The following PTPRK variants were observed in gnomAD, a reference collection of about 807,000 sequenced individuals.
The protein encoded by PTPRK is protein tyrosine phosphatase receptor type K.
In PTPRK, 75 loss-of-function variants were observed where a neutral mutation model predicts 178.0. The observed-to-expected ratio is 0.42, with a 90% CI of 0.35 to 0.51. The LOEUF (loss-of-function observed/expected upper bound fraction) is 0.51, where lower values mean the gene tolerates loss of function less well. Ranked by LOEUF, PTPRK falls within the 20% of genes least tolerant of loss-of-function variation. The probability of loss-of-function intolerance (pLI) is 0.02; values close to 1 mark genes in which losing one functional copy is unlikely to be tolerated. For synonymous variants in PTPRK, 637 were observed against 620.6 expected (o/e 1.03, Z -0.39); for missense variants, 1,441 against 1,797.8 (o/e 0.80, Z 3.59).
intron 3 of PTPRK, among the ~76,000 whole-genome samples, chr6:128,304,274 T>C (rs1294080918): frequency 6.6e-6 from 1 of 152,198 alleles, no homozygotes; most frequent in Admixed American, 6.5e-5. Flanking sequence ...ACAAGTTTTC[T>C]TTAATTAATG....
At chr6:128,194,454 C>T (rs1478991530) in intron 6 of PTPRK, among the ~76,000 whole-genome samples, 5 of 152,056 alleles carry the variant, frequency 3.3e-5, no homozygotes, top group African/African-American at 4.8e-5. Flanking sequence ...TGGTGGCAAA[C>T]CATGTTATGA....
intron 13 of PTPRK, among the ~76,000 whole-genome samples, chr6:128,060,477 C>A (rs1344218623): frequency 6.6e-6 from 1 of 152,098 alleles, no homozygotes; most frequent in Non-Finnish European, 1.5e-5. Context: ...TAGCTAGATT[C>A]TCTTTGGACT....
At chr6:128,195,250 G>C (rs550339955) in intron 6 of PTPRK, among the ~76,000 whole-genome samples, 1 of 151,896 alleles carries the variant, frequency 6.6e-6, no homozygotes, top group South Asian at 2.1e-4. Flanking sequence ...TTACTCCCCA[G>C]GTCTAAACAC....
chr6:128,001,851 T>C lies in PTPRK; in HGVS notation c.2495-2947A>G, dbSNP rs567439264. On this transcript the variant is annotated intron_variant, in intron 15 of 29. Coordinates refer to ENST00000368226, the MANE Select transcript of PTPRK (RefSeq NM_002844.4). ...CAACTAATTTTTTTCCAATTAGTTC[T>C]CAATATTTTAATTGAAATTTATTTA... 2.6e-5 allele frequency among the ~76,000 whole-genome samples: 4 copies of C among 152,050 alleles called. No homozygotes were observed. In the South Asian group the frequency reaches 6.2e-4, roughly 24 times the overall value.
In PTPRK at chr6:128,124,452, T is replaced by G. The variant is rs185370149; in HGVS notation, c.1163-34460A>C. On this transcript the variant is annotated intron_variant, in intron 7 of 29. Coordinates refer to ENST00000368226, the MANE Select transcript of PTPRK (RefSeq NM_002844.4). ...TAAGGTGATATTCACATTTCTGCCA[T>G]GTAATGTAATCACATTATCTAGGAA... Among the ~76,000 whole-genome samples the G allele has an allele frequency of 3.9e-5, 6 of 152,286 alleles. No homozygotes were observed. The South Asian group carries it at 1.0e-3, about 26-fold the overall frequency.
chr6:128,232,870 G>A (rs1007893563), intron 5 of PTPRK, among the ~76,000 whole-genome samples: 1 of 152,186 alleles, frequency 6.6e-6, no homozygotes. Flanking sequence ...CCAGACATTA[G>A]AGCAACTTTT....
At chr6:127,974,812 G>A (rs1774341749) in intron 27 of PTPRK, among the ~76,000 whole-genome samples, 1 of 152,066 alleles carries the variant, frequency 6.6e-6, no homozygotes. Context: ...TAAGTACACG[G>A]AAATCTTTTT....
chr6:128,311,809 T>G (rs541892909), intron 3 of PTPRK, among the ~76,000 whole-genome samples: 1 of 152,270 alleles, frequency 6.6e-6, no homozygotes, highest in South Asian at 2.1e-4. Flanking sequence ...TGTTTCTTCC[T>G]TCTTGGAGAT....
chr6:128,157,347 T>C (rs972288880), intron 7 of PTPRK, among the ~76,000 whole-genome samples: 12 of 152,010 alleles, frequency 7.9e-5, no homozygotes, highest in Non-Finnish European at 1.2e-4. Context: ...TTAAAACATA[T>C]ACATGAGATT....
intron 3 of PTPRK, among the ~76,000 whole-genome samples, chr6:128,253,788 CAGT>C (rs957345577): frequency 4.6e-5 from 7 of 152,146 alleles, no homozygotes; most frequent in South Asian, 2.1e-4. Flanking sequence ...AAATTAAAAT[CAGT>C]AGTTCAGCCT....
chr6:128,008,979 T>C (rs765466147), intron 14 of PTPRK, 151 bp downstream of exon 14: 43 of 532,230 alleles, frequency 8.1e-5, no homozygotes, highest in Middle Eastern at 9.3e-4. Context: ...TTAGAAAGCA[T>C]GTCCAATAGA....
intron 12 of PTPRK, 142 bp from the exon 13 acceptor site, chr6:128,064,936 A>T: frequency 1.0e-6 from 1 of 1,001,738 alleles, no homozygotes; most frequent in Non-Finnish European, 1.3e-6. Flanking sequence ...AGAAAACTTT[A>T]AAAAATATGC....
rs542188485 is a variant in PTPRK at position 128,470,755 on chromosome 6, T to G, written c.100+49504A>C. Among the ~76,000 whole-genome samples the G allele has an allele frequency of 2.6e-3, 388 of 150,104 alleles. 3 individuals are homozygous for G. The highest frequency in any genetic ancestry group is 9.2e-3 in the African/African-American group (380 of 41,086). ...GAAGAAACAATATCTCTCTCTTTTTTTTTTTTTTTTTTTTTAATGGCTAAG... is the reference window on the plus strand; with the variant it reads ...GAAGAAACAATATCTCTCTCTTTTTGTTTTTTTTTTTTTTTAATGGCTAAG... On this transcript the variant is annotated intron_variant, in intron 1 of 29. Coordinates refer to ENST00000368226, the MANE Select transcript of PTPRK (RefSeq NM_002844.4).
intron 3 of PTPRK, among the ~76,000 whole-genome samples, chr6:128,276,312 T>A (rs1407543977): frequency 6.6e-6 from 1 of 152,068 alleles, no homozygotes; most frequent in East Asian, 1.9e-4. Context: ...AGAACAGAAG[T>A]TCAAAGAAAA....
intron 7 of PTPRK, among the ~76,000 whole-genome samples, chr6:128,164,699 C>T (rs775740124): frequency 6.6e-6 from 1 of 150,502 alleles, no homozygotes; most frequent in Non-Finnish European, 1.5e-5. Flanking sequence ...CTTTAAAATG[C>T]ACAAAACTAA....
intron 16 of PTPRK, among the ~76,000 whole-genome samples, chr6:127,997,383 G>T (rs545855007): frequency 6.6e-6 from 1 of 152,140 alleles, no homozygotes; most frequent in South Asian, 2.1e-4. Context: ...ATTTATAACA[G>T]TAGAAAGAAA....
Position 128,023,632 on chromosome 6 carries a change from A to G in PTPRK, c.2195-14364T>C, listed in dbSNP as rs186537532. On this transcript the variant is annotated intron_variant, in intron 13 of 29. Transcript: ENST00000368226. The stretch of plus-strand genomic sequence containing the variant: ...ATCATTTCTCACCTAGACTATTTTA[A>G]AACAGAACTATTCGATCTCTTATTT... 4.9e-4 allele frequency among the ~76,000 whole-genome samples: 74 copies of G among 152,216 alleles called. No individual in the cohort carries two copies. The East Asian group carries it at 0.01, about 21-fold the overall frequency.
At chr6:128,220,723 G>A (rs1336704430) in intron 5 of PTPRK, among the ~76,000 whole-genome samples, 1 of 152,122 alleles carries the variant, frequency 6.6e-6, no homozygotes, top group African/African-American at 2.4e-5. Flanking sequence ...AATTATCTGT[G>A]ATTGTGAAAT....
intron 13 of PTPRK, among the ~76,000 whole-genome samples, chr6:128,018,353 A>G (rs1337347280): frequency 1.3e-5 from 2 of 152,118 alleles, no homozygotes; most frequent in Non-Finnish European, 2.9e-5. Context: ...AAATACATTA[A>G]TGCTAGGGTT....
Sources: allele counts gnomAD v4.1 joint callset (sites outside exome capture counted in the v4.1 genomes callset), GRCh38; gene constraint gnomAD v4.1.1; transcripts MANE v1.5; gene names NCBI Gene and HGNC (gene_info 2026-07-23, HGNC 2026-07-21).